The following SHBG variants were observed in gnomAD, a reference collection of about 807,000 sequenced individuals.
SHBG encodes the protein sex hormone-binding globulin.
SHBG carries 37 observed loss-of-function variants against 41.9 expected under a neutral mutation model. That is an observed-to-expected ratio of 0.88 (90% CI 0.68 to 1.16). The LOEUF is 1.16. Among genes scored for constraint, SHBG ranks in the 50% most tolerant of loss-of-function variants. The pLI is 0.00. For missense variants in SHBG, 466 were observed against 499.9 expected, an observed-to-expected ratio of 0.93 and a Z score of 0.65; for synonymous variants, 217 against 205.8, an observed-to-expected ratio of 1.05 and a Z score of -0.47.
Position 7,622,092 on chromosome 17 carries a change from G to A in SHBG, c.-62+7981G>A, listed in dbSNP as rs144914706. Among the ~76,000 whole-genome samples, 480 of 149,892 alleles carry A rather than the reference G, an allele frequency of 3.2e-3. 2 individuals carry two copies. The highest frequency in any genetic ancestry group is 0.011 in the African/African-American group (454 of 40,732). On this transcript the variant is annotated intron_variant, in intron 1 of 5. Coordinates refer to the SHBG transcript ENST00000570547. ...ACTCCTGACCTCAAATGATCTACCC[G>A]CCTCGGCCTCCCAAAGTGCTGGGAT...
intron 1 of SHBG, among the ~76,000 whole-genome samples, chr17:7,615,411 T>C (rs781446330): frequency 3.3e-5 from 5 of 152,224 alleles, no homozygotes; most frequent in Non-Finnish European, 5.9e-5. Context: ...AGCTTTACCC[T>C]CTTCGCGTAT....
chr17:7,627,356 C>T (rs1340589746), upstream of SHBG: 1 of 1,613,990 alleles, frequency 6.2e-7, no homozygotes, highest in Non-Finnish European at 8.5e-7. This position sits in a 1 kb window ranked among gnomAD's most constrained non-coding sequence, Gnocchi z 4.8. Flanking sequence ...GGGCGCTGAG[C>T]CCCCACCTTC....
chr17:7,619,740 A>G (rs539685215), intron 1 of SHBG, among the ~76,000 whole-genome samples: 1 of 152,186 alleles, frequency 6.6e-6, no homozygotes, highest in African/African-American at 2.4e-5. Flanking sequence ...TAAACACTAA[A>G]CACAGGAGGA....
At position 7,632,944 on chromosome 17, in the gene SHBG, C is replaced by G. The variant is rs756206320; in HGVS notation, c.1045C>G (p.Leu349Val). The G allele has an allele frequency of 2.0e-5, 32 of 1,613,864 alleles. No individual in the cohort carries two copies. Among genetic ancestry groups the G allele is most frequent in the Non-Finnish European group, 2.5e-5 (30 of 1,179,916 alleles). ...GGCCAAGCCTCAAGGGCGTCTCTTC[C>G]TGGGGGCTTTACCAGGTAAGAGAGA... ...LWAKPQGRLF[L>V]GALPGEDSST... Residue 349 changes from leucine to valine, a missense_variant, in exon 7 of 8, where the codon CTG becomes GTG. Coordinates refer to ENST00000380450, the MANE Select transcript of SHBG (RefSeq NM_001040.5).
chr17:7,630,573 T>C lies in SHBG; in HGVS notation c.203+66T>C. 6.4e-7 allele frequency: 1 copy of C among 1,554,420 alleles called. No individual in the cohort carries two copies. The highest frequency in any genetic ancestry group is 8.9e-7 in the Non-Finnish European group (1 of 1,126,402). On this transcript the variant is annotated intron_variant, in intron 2 of 7. Transcript: ENST00000380450. The surrounding 1 kb of genome is among the most constrained non-coding windows in gnomAD (Gnocchi z 4.6). Reference sequence around the variant, plus strand: ...TGCCCTCTCTCCATCAGCTCTTCTCTTTTCCCTGTCTTCCTTTCCTTATCT... The same window carrying C: ...TGCCCTCTCTCCATCAGCTCTTCTCCTTTCCCTGTCTTCCTTTCCTTATCT...
intron 1 of SHBG, among the ~76,000 whole-genome samples, chr17:7,616,952 T>C (rs967717691): frequency 6.6e-6 from 1 of 151,926 alleles, no homozygotes; most frequent in African/African-American, 2.4e-5. Context: ...ATAGTAATAA[T>C]AATAATAAAT....
At chr17:7,620,776 A>C (rs762666556) in intron 1 of SHBG, among the ~76,000 whole-genome samples, 2 of 151,654 alleles carry the variant, frequency 1.3e-5, no homozygotes, top group African/African-American at 4.9e-5. Flanking sequence ...GATTACAGAC[A>C]TGTGCCACCA....
Position 7,630,846 on chromosome 17 carries a change from C to A in SHBG, c.370C>A (p.Leu124Met), listed in dbSNP as rs143452836. The A allele has an allele frequency of 1.3e-5, 21 of 1,613,322 alleles. No individual in the cohort carries two copies. Among genetic ancestry groups the A allele is most frequent in the Non-Finnish European group, 1.6e-5 (19 of 1,179,998 alleles). Reference protein sequence around the residue: ...AQLTVGAGPRLDDGRWHQVEV... With the variant: ...AQLTVGAGPRMDDGRWHQVEV... The stretch of plus-strand genomic sequence containing the variant: ...GCTTACGGTGGGTGCTGGACCACGG[C>A]TGGATGATGGGAGATGGCACCAGGT... The change falls in exon 3 of 8, where the codon CTG (leucine) becomes ATG (methionine). Residue 124 changes from leucine (L) to methionine (M), a missense_variant. Coordinates refer to ENST00000380450, the MANE Select transcript of SHBG (RefSeq NM_001040.5). The surrounding 1 kb of genome is among the most constrained non-coding windows in gnomAD (Gnocchi z 4.6).
chr17:7,618,903 C>T (rs1002704221), intron 1 of SHBG, among the ~76,000 whole-genome samples: 4 of 152,036 alleles, frequency 2.6e-5, no homozygotes, highest in Admixed American at 6.6e-5. Context: ...AGATTGAAAT[C>T]CCTAAGTGTT....
At chr17:7,614,287 G>A (rs1204584162) in intron 1 of SHBG, among the ~76,000 whole-genome samples, 1 of 152,096 alleles carries the variant, frequency 6.6e-6, no homozygotes, top group Non-Finnish European at 1.5e-5. Context: ...GAGGAACAGG[G>A]TTCACTCTAA....
At chr17:7,615,691 G>A (rs2071970354) in intron 1 of SHBG, among the ~76,000 whole-genome samples, 1 of 142,712 alleles carries the variant, frequency 7.0e-6, no homozygotes, top group South Asian at 2.2e-4. Flanking sequence ...AAAATTAGCC[G>A]GGCGTGGTGA....
chr17:7,622,416 G>A (rs2072114679), intron 1 of SHBG, among the ~76,000 whole-genome samples: 2 of 151,672 alleles, frequency 1.3e-5, no homozygotes, highest in South Asian at 4.2e-4. Flanking sequence ...GGGATTACAG[G>A]TGCCCACCAC....
chr17:7,626,294 A>T, upstream of SHBG: 1 of 763,370 alleles, frequency 1.3e-6, no homozygotes, highest in Non-Finnish European at 2.2e-6. Flanking sequence ...TCTCTCCCTC[A>T]ATTCTGCTCT....
upstream of SHBG, among the ~76,000 whole-genome samples, chr17:7,624,681 T>C (rs1458926787): frequency 1.3e-5 from 2 of 151,928 alleles, no homozygotes; most frequent in African/African-American, 4.8e-5. Context: ...AGACTGGGTA[T>C]GGCTCTGTCA....
chr17:7,622,096 C>T lies in SHBG; in HGVS notation c.-62+7985C>T, dbSNP rs373072039. 2.5e-4 allele frequency among the ~76,000 whole-genome samples: 38 copies of T among 151,328 alleles called. 1 individual carries two copies. In the South Asian group the frequency reaches 6.7e-3, roughly 27 times the overall value. Reference sequence around the variant, plus strand: ...CTGACCTCAAATGATCTACCCGCCTCGGCCTCCCAAAGTGCTGGGATTACA... The same window carrying T: ...CTGACCTCAAATGATCTACCCGCCTTGGCCTCCCAAAGTGCTGGGATTACA... On this transcript the variant is annotated intron_variant, in intron 1 of 5. Transcript: ENST00000570547.
At chr17:7,618,022 C>T (rs937446476) in intron 1 of SHBG, among the ~76,000 whole-genome samples, 1 of 152,048 alleles carries the variant, frequency 6.6e-6, no homozygotes, top group Admixed American at 6.6e-5. Flanking sequence ...AGTTTGAGAC[C>T]AGCCTGGCCA....
chr17:7,628,562 T>C (rs2072298799), upstream of SHBG, among the ~76,000 whole-genome samples: 1 of 152,034 alleles, frequency 6.6e-6, no homozygotes. Flanking sequence ...TTCTCCTGCC[T>C]CACCCTCGGA....
At chr17:7,625,907 A>G (rs953031951), upstream of SHBG, among the ~76,000 whole-genome samples, 2 of 151,624 alleles carry the variant, frequency 1.3e-5, no homozygotes, top group African/African-American at 4.9e-5. Context: ...CTCAAAAAAA[A>G]AAAAAAAGAC....
At chr17:7,615,596 A>G (rs2071965245) in intron 1 of SHBG, among the ~76,000 whole-genome samples, 1 of 146,578 alleles carries the variant, frequency 6.8e-6, no homozygotes, top group Non-Finnish European at 1.5e-5. Flanking sequence ...AGGTCCTCGG[A>G]TCACCTGAGG....
Sources: allele counts gnomAD v4.1 joint callset (sites outside exome capture counted in the v4.1 genomes callset), GRCh38; gene constraint gnomAD v4.1.1; non-coding constraint Gnocchi (gnomAD v3.1); transcripts MANE v1.5; gene names NCBI Gene and HGNC (gene_info 2026-07-23, HGNC 2026-07-21).